Variants in CNTNAP3B observed in about 807,000 individuals in gnomAD.
CNTNAP3B encodes the protein contactin-associated protein-like 3B.
CNTNAP3B carries 25 observed loss-of-function variants against 108.9 expected under a neutral mutation model. The ratio of observed to expected loss-of-function variants is 0.23; its 90% confidence interval spans 0.17 to 0.32. The LOEUF (loss-of-function observed/expected upper bound fraction) is 0.32. CNTNAP3B is among the 10% of genes least tolerant of loss of function. The pLI is 1.00. For missense variants in CNTNAP3B, 252 were observed against 1,210.4 expected, an observed-to-expected ratio of 0.21 and a Z score of 11.75; for synonymous variants, 103 against 473.4, an observed-to-expected ratio of 0.22 and a Z score of 10.16.
At chr9:41,955,073 T>C (rs1190894302) in intron 12 of CNTNAP3B, among the ~76,000 whole-genome samples, 11 of 150,858 alleles carry the variant, frequency 7.3e-5, no homozygotes, top group African/African-American at 1.5e-4. Context: ...GAATCAAATA[T>C]AGAAAAACCT....
At chr9:41,924,787 G>A (rs1240421350) in intron 15 of CNTNAP3B, among the ~76,000 whole-genome samples, 1 of 152,264 alleles carries the variant, frequency 6.6e-6, no homozygotes, top group Non-Finnish European at 1.5e-5. Flanking sequence ...CACATCACAT[G>A]TATTACTCAG....
At chr9:41,921,506 G>C (rs558702713) in intron 17 of CNTNAP3B, among the ~76,000 whole-genome samples, 1 of 151,072 alleles carries the variant, frequency 6.6e-6, no homozygotes, top group African/African-American at 2.5e-5. Flanking sequence ...GTGATAATTT[G>C]TGATTTAGTC....
intron 17 of CNTNAP3B, among the ~76,000 whole-genome samples, chr9:41,921,382 G>C (rs1408076454): frequency 6.6e-6 from 1 of 152,018 alleles, no homozygotes; most frequent in Non-Finnish European, 1.5e-5. Context: ...CCTGAAGCTA[G>C]GTTTTAGGAA....
chr9:41,930,599 A>T (rs1210204139), intron 14 of CNTNAP3B, among the ~76,000 whole-genome samples: 1 of 152,216 alleles, frequency 6.6e-6, no homozygotes, highest in Admixed American at 6.5e-5. Flanking sequence ...CCTTTTGTCG[A>T]ACAGACATTG....
chr9:42,061,321 T>TC (rs1827174444), intron 3 of CNTNAP3B, among the ~76,000 whole-genome samples: 1 of 44,442 alleles, frequency 2.3e-5, no homozygotes, highest in African/African-American at 7.6e-5. Context: ...CTTTTTCTTT[T>TC]TTTTTTTTTT....
intron 3 of CNTNAP3B, among the ~76,000 whole-genome samples, chr9:42,036,048 C>T (rs1281164761): frequency 2.7e-5 from 4 of 148,682 alleles, no homozygotes; most frequent in East Asian, 2.0e-4. Flanking sequence ...GCAGAGGTTG[C>T]GGTGAGCCAA....
intron 13 of CNTNAP3B, among the ~76,000 whole-genome samples, chr9:41,939,146 G>T (rs1372140318): frequency 9.8e-5 from 15 of 152,292 alleles, no homozygotes; most frequent in African/African-American, 3.4e-4. Flanking sequence ...TGGGAGTGAA[G>T]ATTGGGGTGA....
chr9:42,078,695 G>A (rs1222445652), intron 2 of CNTNAP3B, among the ~76,000 whole-genome samples: 1 of 129,108 alleles, frequency 7.7e-6, no homozygotes, highest in Non-Finnish European at 1.6e-5. Context: ...TATAGATCAG[G>A]GGCATCCTCC....
chr9:41,947,622 C>G (rs1486552983), intron 13 of CNTNAP3B, among the ~76,000 whole-genome samples: 1 of 151,902 alleles, frequency 6.6e-6, no homozygotes, highest in Non-Finnish European at 1.5e-5. Context: ...AAGTTCTTAC[C>G]TCTAGAAACT....
At chr9:42,124,793 C>T (rs1375354748) in intron 1 of CNTNAP3B, among the ~76,000 whole-genome samples, 1 of 130,776 alleles carries the variant, frequency 7.6e-6, no homozygotes, top group Non-Finnish European at 1.6e-5. Context: ...GTGCCAATTA[C>T]ATCTTTGTCA....
At chr9:42,042,534 T>C (rs1010477303) in intron 3 of CNTNAP3B, among the ~76,000 whole-genome samples, 5 of 137,072 alleles carry the variant, frequency 3.6e-5, no homozygotes, top group African/African-American at 8.7e-5. Context: ...CACAACCATT[T>C]TTTTCTTGCC....
In CNTNAP3B at chr9:41,976,714, C is replaced by G. The variant is rs1375847096; in HGVS notation, c.1478-6469G>C. Among the ~76,000 whole-genome samples, 2 of 105,866 alleles carry G rather than the reference C, an allele frequency of 1.9e-5. 1 individual carries two copies. The highest frequency in any genetic ancestry group is 8.6e-4 in the East Asian group (2 of 2,328). 69.5% of individuals were successfully genotyped at this position (105,866 alleles called of 152,430 possible). On this transcript the variant is annotated intron_variant, in intron 9 of 23. Transcript: ENST00000377561. ...ATGGATCACCGCAGACCAACCTGAA[C>G]AACGTGGCAAAACTCTGTCTCTACA...
intron 2 of CNTNAP3B, among the ~76,000 whole-genome samples, chr9:42,099,055 C>T (rs1247220408): frequency 1.4e-5 from 2 of 138,346 alleles, no homozygotes; most frequent in South Asian, 4.6e-4. Context: ...GAAATCAGTA[C>T]CTGAGCTTTT....
intron 1 of CNTNAP3B, among the ~76,000 whole-genome samples, chr9:42,117,121 C>T (rs1828336316): frequency 7.3e-6 from 1 of 137,798 alleles, no homozygotes; most frequent in Non-Finnish European, 1.5e-5. Flanking sequence ...ATCAACAAGA[C>T]AGAAAGTTAA....
At position 42,062,812 on chromosome 9, in the gene CNTNAP3B, A is replaced by G. The variant is rs1827198606; in HGVS notation, c.390+14057T>C. Among the ~76,000 whole-genome samples the G allele has an allele frequency of 2.1e-5, 2 of 93,998 alleles. 1 individual carries two copies. Among genetic ancestry groups the G allele is most frequent in the East Asian group, 1.2e-3 (2 of 1,604 alleles). 61.7% of individuals were successfully genotyped at this position (93,998 alleles called of 152,430 possible). A position where few individuals can be genotyped will look rare whatever the true frequency, so the allele number is the denominator to read the frequency against. ...CTTACTTTGTATCTTCTGTATATCT[A>G]GTACAGGTTTTTGCTTTGTGGTTAC... On this transcript the variant is annotated intron_variant, in intron 3 of 23. Transcript: ENST00000377561.
chr9:41,925,813 C>T (rs1442434250), intron 15 of CNTNAP3B, among the ~76,000 whole-genome samples: 1 of 152,274 alleles, frequency 6.6e-6, no homozygotes, highest in Non-Finnish European at 1.5e-5. Flanking sequence ...TCCCCTTTGT[C>T]ATAACAAAAT....
rs1056145064 is a variant in CNTNAP3B at position 42,101,825 on chromosome 9, G to A, written c.196+2804C>T. On this transcript the variant is annotated intron_variant, in intron 2 of 23. Coordinates refer to ENST00000377561, the MANE Select transcript of CNTNAP3B (RefSeq NM_001201380.3). ...TGGTGGCTCACACCTTTGGGAGGCC[G>A]AGGTGGGCATACCACGAGGTCAGGA... Among the ~76,000 whole-genome samples the A allele has an allele frequency of 2.7e-4, 34 of 124,736 alleles. 4 individuals carry two copies. The highest frequency in any genetic ancestry group is 1.1e-3 in the African/African-American group (33 of 30,418). The allele number at this position is 124,736 out of a possible 152,430, so 81.8% of individuals were successfully genotyped here.
chr9:41,930,726 G>T (rs980338751), intron 14 of CNTNAP3B, among the ~76,000 whole-genome samples: 8 of 152,276 alleles, frequency 5.3e-5, no homozygotes, highest in African/African-American at 1.9e-4. Context: ...AAATGCACAC[G>T]TCTGTGTCCA....
At chr9:41,962,200 T>A (rs1214081493) in intron 11 of CNTNAP3B, among the ~76,000 whole-genome samples, 1 of 152,206 alleles carries the variant, frequency 6.6e-6, no homozygotes, top group African/African-American at 2.4e-5. Context: ...ATACAATTAA[T>A]TAGTTGCACA....
Sources: allele counts gnomAD v4.1 joint callset (sites outside exome capture counted in the v4.1 genomes callset), GRCh38; gene constraint gnomAD v4.1.1; transcripts MANE v1.5; gene names NCBI Gene and HGNC (gene_info 2026-07-23, HGNC 2026-07-21).